Variants in VILL observed in about 807,000 individuals in gnomAD.
The protein encoded by VILL is villin like.
VILL carries 102 observed loss-of-function variants against 106.3 expected under a neutral mutation model. The ratio of observed to expected loss-of-function variants is 0.96; its 90% CI spans 0.82 to 1.13. The LOEUF is 1.13. Among genes scored for constraint, VILL ranks in the 50% most tolerant of loss-of-function variants. The probability of loss-of-function intolerance (pLI) is 0.00; values close to 1 mark genes in which losing one functional copy is unlikely to be tolerated. For synonymous variants in VILL, 431 were observed against 440.3 expected (o/e 0.98, Z 0.27); for missense variants, 1,076 against 1,116.6 (o/e 0.96, Z 0.52).
At chr3:37,996,853 G>C (rs1204597395) in intron 5 of VILL, among the ~76,000 whole-genome samples, 1 of 152,010 alleles carries the variant, frequency 6.6e-6, no homozygotes, top group African/African-American at 2.4e-5. Context: ...CACCCCACCT[G>C]TATACATGTG....
In VILL at chr3:37,999,424, C is replaced by A; in HGVS notation, c.1167C>A (p.Gly389=). 1.3e-6 allele frequency: 2 copies of A among 1,483,260 alleles called. No individual in the cohort carries two copies. The highest frequency in any genetic ancestry group is 1.4e-5 in the South Asian group (1 of 71,500). The allele number at this position is 1,483,260 out of a possible 1,614,324, so 91.9% of individuals were successfully genotyped here. ...CCCAGCTCAGGATGGTGGACGACGG[C>A]TCTGGGAAGGTGGAGGTGAGGGGTA... The part of the protein sequence containing the change: ...LAAQLRMVDD[G]SGKVEVWCIQ... Residue 389 remains glycine (G), a synonymous_variant, in exon 11 of 20, where the codon GGC becomes GGA. Transcript: ENST00000383759.
chr3:38,005,727 C>T, intron 16 of VILL, 65 bp from the exon 17 acceptor site: 1 of 1,521,338 alleles, frequency 6.6e-7, no homozygotes, highest in South Asian at 1.3e-5. Context: ...AGGGAGTGGA[C>T]AGGAAGGGGT....
Position 37,997,035 on chromosome 3 carries a change from G to T in VILL, c.451-42G>T. 1 of 1,572,038 alleles carries T rather than the reference G, an allele frequency of 6.4e-7. No individual in the cohort carries two copies. The highest frequency in any genetic ancestry group is 8.8e-7 in the Non-Finnish European group (1 of 1,142,358). On this transcript the variant is annotated intron_variant, in intron 5 of 19. Transcript: ENST00000383759. This position sits in a 1 kb window ranked among gnomAD's most constrained non-coding sequence, Gnocchi z 4.7. ...CCAGCTATGCTCCCCTCTAGCGGAT[G>T]CTGGTGGTATGACACTCTGTCTCTC...
chr3:38,001,304 C>A, intron 11 of VILL, 152 bp from the exon 12 acceptor site: 1 of 1,174,446 alleles, frequency 8.5e-7, no homozygotes, highest in Non-Finnish European at 1.2e-6. Context: ...CAGCACAAGG[C>A]CCAGAATGGG....
intron 4 of VILL, among the ~76,000 whole-genome samples, chr3:37,995,298 A>G (rs1699680624): frequency 6.6e-6 from 1 of 152,256 alleles, no homozygotes; most frequent in Admixed American, 6.5e-5. Flanking sequence ...TAGCATATAC[A>G]TGAACACATG....
intron 16 of VILL, among the ~76,000 whole-genome samples, chr3:38,005,432 A>T (rs1157927307): frequency 6.6e-6 from 1 of 152,142 alleles, no homozygotes; most frequent in African/African-American, 2.4e-5. Flanking sequence ...CTCTCATGAA[A>T]GCTCTATAAG....
At position 37,998,380 on chromosome 3, in the gene VILL, C is replaced by G. The variant is rs756194771; in HGVS notation, c.942+16C>G. On this transcript the variant is annotated intron_variant, in intron 9 of 19. Coordinates refer to ENST00000383759, the MANE Select transcript of VILL (RefSeq NM_015873.4). This position sits in a 1 kb window ranked among gnomAD's most constrained non-coding sequence, Gnocchi z 4.1. ...CCGGGCTGTGGTGAGCCCTGGGGCTCTGTCTGAGAGGAACAGAGCACTGCC... is the reference window on the plus strand; with the variant it reads ...CCGGGCTGTGGTGAGCCCTGGGGCTGTGTCTGAGAGGAACAGAGCACTGCC... The G allele has an allele frequency of 1.2e-6, 2 of 1,613,162 alleles. No individual in the cohort carries two copies. The highest frequency in any genetic ancestry group is 1.7e-6 in the Non-Finnish European group (2 of 1,179,232).
intron 11 of VILL, chr3:38,000,941 C>G (rs1699802186): frequency 2.2e-6 from 1 of 457,002 alleles, no homozygotes; most frequent in Non-Finnish European, 4.4e-6. Context: ...GGGATTTGAC[C>G]AGAGTCCGCC....
Position 37,997,607 on chromosome 3 carries a change from G to T in VILL, c.686G>T (p.Arg229Leu). The stretch of plus-strand genomic sequence containing the variant: ...CAGATCATGGAGGCTGTGCTGGGCC[G>T]CAGGGTGGGCAGCCTGCGTGCCGCC... Reference protein sequence around the residue: ...LMQIMEAVLGRRVGSLRAATP... With the variant: ...LMQIMEAVLGLRVGSLRAATP... The change falls in exon 7 of 20, where the codon CGC becomes CTC. Residue 229 changes from arginine to leucine, a missense_variant. Coordinates refer to ENST00000383759, the MANE Select transcript of VILL (RefSeq NM_015873.4). The surrounding 1 kb of genome is among the most constrained non-coding windows in gnomAD (Gnocchi z 4.7). The T allele has an allele frequency of 6.2e-7, 1 of 1,613,640 alleles. No homozygotes were observed. Among genetic ancestry groups the T allele is most frequent in the South Asian group, 1.1e-5 (1 of 91,086 alleles).
intron 1 of VILL, among the ~76,000 whole-genome samples, chr3:37,992,676 G>A (rs867646253): frequency 2.6e-5 from 4 of 152,056 alleles, no homozygotes; most frequent in South Asian, 2.1e-4. Context: ...GAGCTGTGAC[G>A]GACCCAGCTC....
rs765462636 is a variant in VILL, at chr3:38,006,943, T to G, written c.2459T>G (p.Phe820Cys). Residue 820 changes from phenylalanine to cysteine, a missense_variant and splice_region_variant, in exon 20 of 20, where the codon TTC becomes TGC. Coordinates refer to ENST00000383759, the MANE Select transcript of VILL (RefSeq NM_015873.4). The part of the protein sequence containing the change: ...PEGVDPARRE[F>C]YLSDSDFQDI... ...CCTCCCCCTCTCTCCCCTGCCCAGT[T>G]CTATCTCTCAGACTCTGACTTCCAA... 1 of 1,613,516 alleles carries G rather than the reference T, an allele frequency of 6.2e-7. No homozygotes were observed. Among genetic ancestry groups the G allele is most frequent in the Non-Finnish European group, 8.5e-7 (1 of 1,179,502 alleles).
chr3:37,993,291 G>C, intron 1 of VILL: 1 of 255,626 alleles, frequency 3.9e-6, no homozygotes, highest in Non-Finnish European at 7.7e-6. Context: ...TTTATACAGA[G>C]TTCAGCTCTG....
intron 10 of VILL, 36 bp from the exon 11 acceptor site, chr3:37,999,303 A>G: frequency 6.9e-7 from 1 of 1,447,024 alleles, no homozygotes. Flanking sequence ...GGGGGGGGGC[A>G]GAGGGCGCCA....
At position 37,999,324 on chromosome 3, in the gene VILL, C is replaced by T. The variant is rs779594809; in HGVS notation, c.1082-15C>T. 1 of 1,506,598 alleles carries T rather than the reference C, an allele frequency of 6.6e-7. No individual in the cohort carries two copies. The highest frequency in any genetic ancestry group is 8.9e-7 in the Non-Finnish European group (1 of 1,128,460). 93.3% of individuals were successfully genotyped at this position (1,506,598 alleles called of 1,614,324 possible). A position where few individuals can be genotyped will look rare whatever the true frequency, so the allele number is the denominator to read the frequency against. On this transcript the variant is annotated splice_polypyrimidine_tract_variant and intron_variant, in intron 10 of 19. Coordinates refer to ENST00000383759, the MANE Select transcript of VILL (RefSeq NM_015873.4). ...GGGCAGAGGGCGCCACTGACGCCTA[C>T]TGTCCCCCCTTCAGATAAATCGATT...
upstream of VILL, among the ~76,000 whole-genome samples, chr3:37,989,300 C>T (rs141617239): frequency 1.7e-3 from 261 of 152,246 alleles, 2 homozygotes; most frequent in African/African-American, 5.2e-3. Context: ...ATGTGACAGA[C>T]GGAAGATGGA....
chr3:38,004,689 G>A (rs1024359727), intron 16 of VILL, among the ~76,000 whole-genome samples: 9 of 152,204 alleles, frequency 5.9e-5, no homozygotes, highest in African/African-American at 2.2e-4. Context: ...ACTATGTGTG[G>A]CTCCAGCGAC....
In VILL at chr3:37,997,382, C is replaced by T. The variant is rs1212886924; in HGVS notation, c.562-101C>T. The T allele has an allele frequency of 1.5e-6, 2 of 1,345,606 alleles. No homozygotes were observed. The highest frequency in any genetic ancestry group is 2.1e-6 in the Non-Finnish European group (2 of 965,520). The allele number at this position is 1,345,606 out of a possible 1,614,324, so 83.4% of individuals were successfully genotyped here. A position where few individuals can be genotyped will look rare whatever the true frequency, so the allele number is the denominator to read the frequency against. The stretch of plus-strand genomic sequence containing the variant: ...ATGCCAGGATGAGGGGACATCAGCC[C>T]TTCTCCCCATCAGCCTCTGGGAGCT... On this transcript the variant is annotated intron_variant, in intron 6 of 19. Coordinates refer to ENST00000383759, the MANE Select transcript of VILL (RefSeq NM_015873.4). This position sits in a 1 kb window ranked among gnomAD's most constrained non-coding sequence, Gnocchi z 4.7.
At chr3:38,005,573 G>A (rs1253458405) in intron 16 of VILL, among the ~76,000 whole-genome samples, 1 of 152,120 alleles carries the variant, frequency 6.6e-6, no homozygotes, top group Non-Finnish European at 1.5e-5. Flanking sequence ...AAAAAAAAAT[G>A]TGTGGATTGA....
At position 37,998,793 on chromosome 3, in the gene VILL, T is replaced by C; in HGVS notation, c.943-119T>C. On this transcript the variant is annotated intron_variant, in intron 9 of 19. Coordinates refer to ENST00000383759, the MANE Select transcript of VILL (RefSeq NM_015873.4). The surrounding 1 kb of genome is among the most constrained non-coding windows in gnomAD (Gnocchi z 4.1). ...CAGAGTCAATTCGCTAAGTGGGTCA[T>C]GAGCTCGGTTAATTAACGCTTCTTG... 7.0e-7 allele frequency: 1 copy of C among 1,436,128 alleles called. No homozygotes were observed. Among genetic ancestry groups the C allele is most frequent in the South Asian group, 1.5e-5 (1 of 68,324 alleles). 89.0% of individuals were successfully genotyped at this position (1,436,128 alleles called of 1,614,324 possible).
Sources: gnomAD v4.1 joint callset for allele counts (sites outside exome capture counted in the v4.1 genomes callset) on GRCh38, gnomAD v4.1.1 for gene constraint, Gnocchi (gnomAD v3.1) non-coding constraint, MANE v1.5 for transcripts, NCBI Gene and HGNC (gene_info 2026-07-23, HGNC 2026-07-21) for gene names.